NDUFS4: variants seen among roughly 807,000 people sequenced by gnomAD.
NDUFS4 encodes the protein NADH dehydrogenase [ubiquinone] iron-sulfur protein 4, mitochondrial.
NDUFS4 carries 28 observed loss-of-function variants against 24.3 expected under a neutral mutation model. That is an observed-to-expected ratio of 1.15 (90% CI 0.85 to 1.58). The LOEUF is 1.58. Among genes scored for constraint, NDUFS4 ranks in the 40% most tolerant of loss-of-function variants. NDUFS4 has a pLI of 0.00. For missense variants in NDUFS4, 223 were observed against 207.9 expected (o/e 1.07, Z -0.45); for synonymous variants, 93 against 69.7 (o/e 1.34, Z -1.67).
chr5:53,632,280 TCTA>T (rs1442182491), intron 2 of NDUFS4, among the ~76,000 whole-genome samples: 4 of 152,206 alleles, frequency 2.6e-5, no homozygotes, highest in Non-Finnish European at 4.4e-5. Flanking sequence ...GTTTCAGCAG[TCTA>T]CTACTGCTGA....
intron 4 of NDUFS4, among the ~76,000 whole-genome samples, chr5:53,665,793 C>T (rs182373644): frequency 1.3e-5 from 2 of 152,328 alleles, no homozygotes; most frequent in East Asian, 3.9e-4. Flanking sequence ...CGATGCCTCG[C>T]CCTGCTTGGG....
At chr5:53,612,856 A>T (rs1750741035) in intron 2 of NDUFS4, among the ~76,000 whole-genome samples, 1 of 152,096 alleles carries the variant, frequency 6.6e-6, no homozygotes, top group South Asian at 2.1e-4. Context: ...ACTCGAACTT[A>T]TTCTAAGAAG....
chr5:53,671,415 TA>T (rs1351691724), intron 4 of NDUFS4, among the ~76,000 whole-genome samples: 1 of 152,158 alleles, frequency 6.6e-6, no homozygotes, highest in African/African-American at 2.4e-5. Context: ...CTGTTCCCAC[TA>T]CCATGTCCCC....
intron 4 of NDUFS4, among the ~76,000 whole-genome samples, chr5:53,677,524 C>T (rs1740513650): frequency 1.3e-5 from 2 of 151,922 alleles, no homozygotes; most frequent in Non-Finnish European, 2.9e-5. Flanking sequence ...CTGTACCCCA[C>T]CCCCATATTA....
Position 53,591,464 on chromosome 5 carries a change from G to C in NDUFS4, c.99-11988G>C, listed in dbSNP as rs530760111. On this transcript the variant is annotated intron_variant, in intron 1 of 4. Transcript: ENST00000296684. ...GCTACTTTTTGTTTGTTTTTTTTGG[G>C]GGGGGGGGGTGATAATAACTATCGT... is the stretch of plus-strand genomic sequence containing the variant. 7.0e-3 allele frequency among the ~76,000 whole-genome samples: 897 copies of C among 129,010 alleles called. 47 individuals are homozygous for C. Among genetic ancestry groups the C allele is most frequent in the African/African-American group, 0.025 (866 of 34,784 alleles). 84.6% of individuals were successfully genotyped at this position (129,010 alleles called of 152,430 possible). A position where few individuals can be genotyped will look rare whatever the true frequency, so the allele number is the denominator to read the frequency against.
intron 1 of NDUFS4, among the ~76,000 whole-genome samples, chr5:53,601,983 AAC>A (rs1387348662): frequency 1.3e-5 from 2 of 152,266 alleles, no homozygotes; most frequent in African/African-American, 4.8e-5. Flanking sequence ...TATTAGAAAA[AAC>A]AGTGTATGTA....
chr5:53,616,863 A>G (rs1173095008), intron 2 of NDUFS4, among the ~76,000 whole-genome samples: 1 of 152,186 alleles, frequency 6.6e-6, no homozygotes, highest in Non-Finnish European at 1.5e-5. Context: ...GTTTGCTGCC[A>G]TTTTAATTTG....
chr5:53,566,210 G>A (rs376777885), intron 1 of NDUFS4, among the ~76,000 whole-genome samples: 1 of 152,230 alleles, frequency 6.6e-6, no homozygotes, highest in South Asian at 2.1e-4. Flanking sequence ...GAGAAAGATG[G>A]AGCAACTTGG....
In NDUFS4 at chr5:53,585,286, G is replaced by T. The variant is rs563061803; in HGVS notation, c.99-18166G>T. Among the ~76,000 whole-genome samples, 30 of 152,164 alleles carry T rather than the reference G, an allele frequency of 2.0e-4. No individual in the cohort carries two copies. In the South Asian group the frequency reaches 5.6e-3, roughly 28 times the overall value. ...TCATAATTTATAAGGGAAGCCAGTG[G>T]GAGTTTTAATTACTTGTTCTGTTCT... On this transcript the variant is annotated intron_variant, in intron 1 of 4. Transcript: ENST00000296684.
chr5:53,682,974 G>GTA, intron 4 of NDUFS4, 144 bp from the exon 5 acceptor site: 1 of 728,590 alleles, frequency 1.4e-6, no homozygotes, highest in African/African-American at 1.7e-5. Context: ...CAAATAGTAA[G>GTA]TATATCTCAG....
chr5:53,594,788 A>G lies in NDUFS4; in HGVS notation c.99-8664A>G, dbSNP rs1750080117. Among the ~76,000 whole-genome samples, 3 of 152,234 alleles carry G rather than the reference A, an allele frequency of 2.0e-5. No individual in the cohort carries two copies. The South Asian group carries it at 6.2e-4, about 32-fold the overall frequency. On this transcript the variant is annotated intron_variant, in intron 1 of 4. Transcript: ENST00000296684. ...ACTTTAACCACTCAAAAGTTATTAA[A>G]ACAAACCTCTTTTATACATTATCTC...
intron 4 of NDUFS4, among the ~76,000 whole-genome samples, chr5:53,669,610 C>T (rs1352221119): frequency 6.6e-6 from 1 of 152,102 alleles, no homozygotes; most frequent in African/African-American, 2.4e-5. Context: ...TTCTCTTTTA[C>T]CTTTTTTGTA....
At chr5:53,619,558 A>G (rs989461025) in intron 2 of NDUFS4, among the ~76,000 whole-genome samples, 2 of 151,752 alleles carry the variant, frequency 1.3e-5, no homozygotes, top group African/African-American at 4.8e-5. Flanking sequence ...TAAAAAAGAT[A>G]CATATTTTTT....
intron 1 of NDUFS4, among the ~76,000 whole-genome samples, chr5:53,579,114 AC>A (rs1749475870): frequency 1.3e-5 from 2 of 152,168 alleles, no homozygotes; most frequent in Admixed American, 6.5e-5. Context: ...CAAAGAGATG[AC>A]TGTCTCATTC....
chr5:53,604,892 A>G, intron 2 of NDUFS4: 2 of 456,270 alleles, frequency 4.4e-6, no homozygotes, highest in Non-Finnish European at 8.8e-6. Flanking sequence ...CTATTCTTCA[A>G]ATGGTAATCA....
At chr5:53,595,742 C>G (rs1305825164) in intron 1 of NDUFS4, among the ~76,000 whole-genome samples, 1 of 152,166 alleles carries the variant, frequency 6.6e-6, no homozygotes, top group Admixed American at 6.6e-5. Context: ...ATCCCTCTTG[C>G]ACAAATCTTT....
At chr5:53,621,378 G>A (rs1751028468) in intron 2 of NDUFS4, among the ~76,000 whole-genome samples, 1 of 148,540 alleles carries the variant, frequency 6.7e-6, no homozygotes, top group African/African-American at 2.6e-5. Context: ...GACAATTTCT[G>A]TCTTTTAATT....
chr5:53,630,542 A>G (rs3103598), intron 2 of NDUFS4, among the ~76,000 whole-genome samples: 39,004 of 151,356 alleles, frequency 0.26, 6,629 homozygotes, highest in African/African-American at 0.47. Flanking sequence ...TGGTCTTTTC[A>G]CATAATCGTA....
At chr5:53,667,707 C>A (rs1752559477) in intron 4 of NDUFS4, among the ~76,000 whole-genome samples, 1 of 152,094 alleles carries the variant, frequency 6.6e-6, no homozygotes, top group Non-Finnish European at 1.5e-5. Flanking sequence ...AAAAAAGGTT[C>A]AGATGCACTA....
Sources: allele counts gnomAD v4.1 joint callset (sites outside exome capture counted in the v4.1 genomes callset), GRCh38; gene constraint gnomAD v4.1.1; transcripts MANE v1.5; gene names NCBI Gene and HGNC (gene_info 2026-07-23, HGNC 2026-07-21).